CWC27: variants seen among roughly 807,000 people sequenced by gnomAD.
CWC27 encodes spliceosome-associated protein CWC27 homolog.
A neutral mutation model predicts 63.6 loss-of-function variants in CWC27; 47 were observed. That is an observed-to-expected ratio of 0.74 (90% CI 0.58 to 0.94). CWC27 has a LOEUF of 0.94. Ranked by LOEUF, CWC27 falls within the 40% of genes least tolerant of loss-of-function variation. The pLI is 0.00. For synonymous variants in CWC27, 175 were observed against 179.8 expected, an observed-to-expected ratio of 0.97 and a Z score of 0.22; for missense variants, 495 against 554.3, an observed-to-expected ratio of 0.89 and a Z score of 1.07.
intron 3 of CWC27, among the ~76,000 whole-genome samples, chr5:64,783,512 A>T (rs1279767703): frequency 6.6e-6 from 1 of 152,226 alleles, no homozygotes; most frequent in African/African-American, 2.4e-5. Context: ...AAATAATAGA[A>T]GATTTCAAAA....
chr5:65,015,617 G>T (rs1211037312), intron 13 of CWC27, among the ~76,000 whole-genome samples: 2 of 152,210 alleles, frequency 1.3e-5, no homozygotes, highest in Admixed American at 1.3e-4. Flanking sequence ...CTTCTCATCA[G>T]TGGTAATATT....
rs748387936 is a variant in CWC27 at position 64,804,232 on chromosome 5, G to A, written c.784G>A (p.Gly262Arg). The change falls in exon 10 of 14, where the codon GGA (glycine) becomes AGA (arginine). Residue 262 changes from glycine (G) to arginine (R), a missense_variant. This residue lies in a region of CWC27 where 463 missense variants were observed against 498.1 expected (regional missense o/e 0.93). Transcript: ENST00000381070. Reference sequence around the variant, plus strand: ...TACTCATTTTCCATTTCTACAGGATGGAGAAGATGAAAGTGCAGAGCATGA... The same window carrying A: ...TACTCATTTTCCATTTCTACAGGATAGAGAAGATGAAAGTGCAGAGCATGA... ...KGDAPDLVDD[G>R]EDESAEHDEY... 3 of 1,602,094 alleles carry A rather than the reference G, an allele frequency of 1.9e-6. No homozygotes were observed. The highest frequency in any genetic ancestry group is 2.2e-5 in the South Asian group (2 of 89,150).
At chr5:64,806,937 A>G (rs749291675) in intron 10 of CWC27, among the ~76,000 whole-genome samples, 1 of 152,232 alleles carries the variant, frequency 6.6e-6, no homozygotes, top group Non-Finnish European at 1.5e-5. Context: ...AAAACAACAC[A>G]GGAAAGCTCC....
chr5:64,839,884 T>C (rs983792460), intron 10 of CWC27, among the ~76,000 whole-genome samples: 1 of 151,822 alleles, frequency 6.6e-6, no homozygotes, highest in African/African-American at 2.4e-5. Flanking sequence ...TGGGAACTGA[T>C]TGAGTGACCA....
At chr5:64,835,904 G>T (rs1443862972) in intron 10 of CWC27, among the ~76,000 whole-genome samples, 1 of 151,454 alleles carries the variant, frequency 6.6e-6, no homozygotes, top group Non-Finnish European at 1.5e-5. Flanking sequence ...CATAATCCTT[G>T]GGACTGCTGA....
At chr5:64,833,444 A>G (rs1269408187) in intron 10 of CWC27, among the ~76,000 whole-genome samples, 1 of 151,800 alleles carries the variant, frequency 6.6e-6, no homozygotes, top group African/African-American at 2.4e-5. Context: ...TGACCAATGC[A>G]TGCTTTTGAG....
At chr5:64,795,101 C>G (rs963769642) in intron 7 of CWC27, among the ~76,000 whole-genome samples, 8 of 152,062 alleles carry the variant, frequency 5.3e-5, no homozygotes, top group Non-Finnish European at 7.4e-5. Flanking sequence ...ACTTTTGAGA[C>G]TAAAGTAAGG....
chr5:64,845,280 G>C (rs1469262475), intron 10 of CWC27, among the ~76,000 whole-genome samples: 2 of 152,118 alleles, frequency 1.3e-5, no homozygotes, highest in Non-Finnish European at 2.9e-5. Context: ...CTAGAAGAGG[G>C]GGCTTTCTCC....
chr5:64,774,224 T>C (rs1209050603), intron 1 of CWC27, among the ~76,000 whole-genome samples: 1 of 152,172 alleles, frequency 6.6e-6, no homozygotes, highest in South Asian at 2.1e-4. Flanking sequence ...GGCATGATCA[T>C]AGCTCACTAT....
intron 11 of CWC27, among the ~76,000 whole-genome samples, chr5:64,887,137 CTG>C (rs1373437147): frequency 6.6e-6 from 1 of 151,770 alleles, no homozygotes; most frequent in Non-Finnish European, 1.5e-5. Context: ...GAGTGTAACA[CTG>C]TGACTTATAG....
intron 4 of CWC27, among the ~76,000 whole-genome samples, chr5:64,784,596 C>T (rs1743816853): frequency 6.6e-6 from 1 of 152,116 alleles, no homozygotes. Flanking sequence ...AGTGCATCAG[C>T]GCCCTCTGCT....
chr5:64,817,417 A>AAAC (rs973938985), intron 10 of CWC27, among the ~76,000 whole-genome samples: 7 of 152,140 alleles, frequency 4.6e-5, no homozygotes, highest in Middle Eastern at 6.8e-3. Context: ...TACTCCTCTA[A>AAAC]AACAACAACA....
At chr5:64,969,557 C>T (rs1237969378) in intron 11 of CWC27, among the ~76,000 whole-genome samples, 1 of 152,148 alleles carries the variant, frequency 6.6e-6, no homozygotes, top group East Asian at 1.9e-4. Context: ...TACATTATTA[C>T]TTCATTTATT....
intron 11 of CWC27, among the ~76,000 whole-genome samples, chr5:64,914,211 T>C (rs1158508429): frequency 6.6e-6 from 1 of 152,156 alleles, no homozygotes; most frequent in Non-Finnish European, 1.5e-5. Context: ...ATAAAACTTC[T>C]AGAAAATATT....
chr5:64,990,101 T>C (rs905763196), intron 13 of CWC27, among the ~76,000 whole-genome samples: 4 of 152,212 alleles, frequency 2.6e-5, no homozygotes, highest in African/African-American at 9.6e-5. Context: ...CTCCCTCTTG[T>C]TCTTCTTGCC....
intron 10 of CWC27, chr5:64,804,676 G>C (rs150782760): frequency 9.1e-6 from 2 of 220,472 alleles, no homozygotes; most frequent in Non-Finnish European, 1.8e-5. Context: ...TTAGCTAGAT[G>C]TGGAAGAATG....
intron 2 of CWC27, among the ~76,000 whole-genome samples, chr5:64,778,743 C>T (rs1032413536): frequency 1.3e-5 from 2 of 152,070 alleles, no homozygotes; most frequent in East Asian, 3.9e-4. Flanking sequence ...GAAATGGTTA[C>T]CTAGGAATAT....
intron 10 of CWC27, among the ~76,000 whole-genome samples, chr5:64,857,106 A>G (rs560608757): frequency 9.9e-5 from 15 of 152,232 alleles, no homozygotes; most frequent in Non-Finnish European, 2.1e-4. Context: ...AGGTTTGAAT[A>G]AGTTAACAGC....
intron 11 of CWC27, among the ~76,000 whole-genome samples, chr5:64,925,590 C>A (rs1395893153): frequency 1.3e-5 from 2 of 152,106 alleles, no homozygotes; most frequent in Admixed American, 1.3e-4. Flanking sequence ...GAGTCACGTG[C>A]CATTTATCAA....
Sources: allele counts gnomAD v4.1 joint callset (sites outside exome capture counted in the v4.1 genomes callset), GRCh38; gene constraint gnomAD v4.1.1; regional missense constraint gnomAD v4.1.1; transcripts MANE v1.5; gene names NCBI Gene and HGNC (gene_info 2026-07-23, HGNC 2026-07-21).